ELMO1: variants seen among roughly 807,000 people sequenced by gnomAD.
ELMO1 encodes engulfment and cell motility 1, also known as engulfment and cell motility protein 1.
Under a neutral mutation model 98.9 loss-of-function variants are expected in ELMO1, and 26 were observed. The ratio of observed to expected loss-of-function variants is 0.26; its 90% CI spans 0.19 to 0.36. The LOEUF (loss-of-function observed/expected upper bound fraction) is 0.36. Ranked by LOEUF, ELMO1 falls within the 10% of genes least tolerant of loss-of-function variation. ELMO1 has a pLI of 1.00. For synonymous variants in ELMO1, 346 were observed against 346.0 expected, an observed-to-expected ratio of 1.00 and a Z score of 0.00; for missense variants, 627 against 935.2, an observed-to-expected ratio of 0.67 and a Z score of 4.30.
intron 1 of ELMO1, among the ~76,000 whole-genome samples, chr7:37,357,263 A>G (rs917953338): frequency 6.6e-6 from 1 of 152,158 alleles, no homozygotes; most frequent in Non-Finnish European, 1.5e-5. Flanking sequence ...TATTAAATAA[A>G]TGTGTTATGC....
intron 15 of ELMO1, among the ~76,000 whole-genome samples, chr7:37,030,514 A>G (rs550125021): frequency 1.8e-4 from 27 of 152,304 alleles, no homozygotes; most frequent in African/African-American, 6.3e-4. Context: ...GATACCCAAT[A>G]TGACAACATG....
intron 16 of ELMO1, among the ~76,000 whole-genome samples, chr7:36,909,101 G>A (rs1784166240): frequency 6.6e-6 from 1 of 152,228 alleles, no homozygotes; most frequent in South Asian, 2.1e-4. Context: ...ACATGGAGCT[G>A]AAGTTGACTT....
chr7:36,878,624 G>A (rs768716336), intron 18 of ELMO1, among the ~76,000 whole-genome samples: 11 of 152,092 alleles, frequency 7.2e-5, no homozygotes, highest in Non-Finnish European at 1.2e-4. Flanking sequence ...AATCATGAAC[G>A]AATTGTTAGG....
intron 6 of ELMO1, among the ~76,000 whole-genome samples, chr7:37,257,327 G>A (rs757830566): frequency 1.3e-5 from 2 of 152,216 alleles, no homozygotes. Context: ...GGTGGCTCAT[G>A]CCTGTAATCC....
At chr7:37,029,183 T>C (rs948183603) in intron 15 of ELMO1, among the ~76,000 whole-genome samples, 4 of 152,124 alleles carry the variant, frequency 2.6e-5, no homozygotes, top group African/African-American at 9.7e-5. Context: ...GAGGTCTCCT[T>C]GGCCCAGAAG....
At chr7:37,017,301 TC>T (rs70980908) in intron 15 of ELMO1, among the ~76,000 whole-genome samples, 4 of 152,304 alleles carry the variant, frequency 2.6e-5, no homozygotes, top group African/African-American at 9.6e-5. Flanking sequence ...TATCAAGGTT[TC>T]CCCAGGTACT....
intron 2 of ELMO1, among the ~76,000 whole-genome samples, chr7:37,319,147 C>T (rs1030649533): frequency 1.3e-5 from 2 of 152,138 alleles, no homozygotes; most frequent in Admixed American, 6.5e-5. Context: ...GTCTGTTAGA[C>T]AGAACATTTT....
At chr7:37,398,496 A>C (rs1583686524) in intron 1 of ELMO1, among the ~76,000 whole-genome samples, 1 of 152,324 alleles carries the variant, frequency 6.6e-6, no homozygotes, top group African/African-American at 2.4e-5. Context: ...AACCTTGTTT[A>C]TCTTTCTGCT....
At chr7:37,448,308 C>A (rs866501244) in intron 1 of ELMO1, among the ~76,000 whole-genome samples, 5 of 151,844 alleles carry the variant, frequency 3.3e-5, no homozygotes, top group South Asian at 2.1e-4. Context: ...CCCGCGCCCC[C>A]CCTCCCGCAG....
At chr7:37,216,771 T>C (rs932693407) in intron 10 of ELMO1, 76 bp from the exon 11 acceptor site, 1 of 1,511,806 alleles carries the variant, frequency 6.6e-7, no homozygotes, top group African/African-American at 1.4e-5. Context: ...AATGACCTTA[T>C]CCTGGGGTGT....
chr7:37,138,823 C>T (rs1787433064), intron 13 of ELMO1, among the ~76,000 whole-genome samples: 1 of 152,116 alleles, frequency 6.6e-6, no homozygotes, highest in African/African-American at 2.4e-5. Context: ...CAAAAATCCT[C>T]AATAAAATAC....
In ELMO1 at chr7:37,314,900, A is replaced by G; in HGVS notation, c.142T>C (p.Tyr48His). 1.2e-6 allele frequency: 2 copies of G among 1,613,892 alleles called. No homozygotes were observed. Among genetic ancestry groups the G allele is most frequent in the South Asian group, 1.1e-5 (1 of 91,058 alleles). The change falls in exon 4 of 22, where the codon TAT becomes CAT. Residue 48 changes from tyrosine (Y) to histidine (H), a missense_variant. By Grantham distance (83) the Tyr-to-His change is moderately conservative. Around this residue, in one of 3 missense-constraint regions of ELMO1, gnomAD observed 123 missense variants for 171.2 expected, o/e 0.72. Transcript: ENST00000310758. ...CTATCGGCATGCTGGAGTGCAAAAT[A>G]TTCATGGTTGGCAAGAGACCACCTT... is the stretch of plus-strand genomic sequence containing the variant. ...CDGWSLANHE[Y>H]FALQHADSSN...
At chr7:37,345,806 C>T (rs904270747) in intron 1 of ELMO1, among the ~76,000 whole-genome samples, 5 of 150,072 alleles carry the variant, frequency 3.3e-5, no homozygotes, top group African/African-American at 1.2e-4. Flanking sequence ...TGGCTAACGC[C>T]GTGAAACCCC....
chr7:37,173,844 T>C (rs1372281295), intron 13 of ELMO1, among the ~76,000 whole-genome samples: 1 of 152,204 alleles, frequency 6.6e-6, no homozygotes, highest in Non-Finnish European at 1.5e-5. Context: ...TCGGCTGGCT[T>C]TAGTGAGGTT....
At chr7:37,243,031 T>C (rs1218730940) in intron 7 of ELMO1, among the ~76,000 whole-genome samples, 3 of 152,226 alleles carry the variant, frequency 2.0e-5, no homozygotes, top group African/African-American at 4.8e-5. Flanking sequence ...TTGTTTATAA[T>C]ATTTTGTCCG....
At chr7:37,044,124 A>G (rs1795676806) in intron 15 of ELMO1, among the ~76,000 whole-genome samples, 2 of 152,202 alleles carry the variant, frequency 1.3e-5, no homozygotes, top group Admixed American at 1.3e-4. Flanking sequence ...TACAAAACAA[A>G]ATACAGCAAA....
chr7:37,293,438 G>C (rs1286280134), intron 4 of ELMO1, among the ~76,000 whole-genome samples: 6 of 80,096 alleles, frequency 7.5e-5, no homozygotes, highest in African/African-American at 1.0e-4. Context: ...TGTGCTCTCT[G>C]ACACATGTGC....
chr7:37,396,747 T>A (rs1803315179), intron 1 of ELMO1, among the ~76,000 whole-genome samples: 1 of 152,206 alleles, frequency 6.6e-6, no homozygotes, highest in South Asian at 2.1e-4. Context: ...CACTATGACA[T>A]TGAAGGGACA....
chr7:37,184,037 T>C (rs1283369459), intron 13 of ELMO1, among the ~76,000 whole-genome samples: 2 of 152,354 alleles, frequency 1.3e-5, no homozygotes, highest in Admixed American at 1.3e-4. Context: ...GTTTTTCTCA[T>C]TGGGGATAGT....
Sources: gnomAD v4.1 joint callset for allele counts (sites outside exome capture counted in the v4.1 genomes callset) on GRCh38, gnomAD v4.1.1 for gene constraint, gnomAD v4.1.1 regional missense constraint, MANE v1.5 for transcripts, NCBI Gene and HGNC (gene_info 2026-07-23, HGNC 2026-07-21) for gene names.